The following STPG4 variants were observed in gnomAD, a reference collection of about 807,000 sequenced individuals.
STPG4 encodes protein STPG4.
STPG4 carries 41 observed loss-of-function variants against 31.5 expected under a neutral mutation model. That is an observed-to-expected ratio of 1.30 (90% confidence interval 1.01 to 1.69). The LOEUF is 1.69. STPG4 is among the 40% of genes most tolerant of loss of function. The probability of loss-of-function intolerance (pLI) is 0.00; values close to 1 mark genes in which losing one functional copy is unlikely to be tolerated. For missense variants in STPG4, 375 were observed against 293.4 expected (o/e 1.28, Z -2.03); for synonymous variants, 141 against 103.0 (o/e 1.37, Z -2.24).
chr2:47,132,748 A>G (rs1348649659), intron 3 of STPG4, among the ~76,000 whole-genome samples: 2 of 152,134 alleles, frequency 1.3e-5, no homozygotes, highest in Non-Finnish European at 2.9e-5. Flanking sequence ...TAAAATGTGC[A>G]TATTTGCTTT....
At position 47,151,827 on chromosome 2, in the gene STPG4, G is replaced by A. The variant is rs561578867; in HGVS notation, c.142-312C>T. ...ACAATCTAGGCTCACTGCAAGCTCC[G>A]CCTCCCAGGTTCATGCCATTCTCCT... On this transcript the variant is annotated intron_variant, in intron 2 of 6. Coordinates refer to ENST00000445927, the MANE Select transcript of STPG4 (RefSeq NM_001163561.2). Among the ~76,000 whole-genome samples, 25 of 151,368 alleles carry A rather than the reference G, an allele frequency of 1.7e-4. No individual in the cohort carries two copies. The South Asian group carries it at 5.0e-3, about 30-fold the overall frequency.
intron 3 of STPG4, among the ~76,000 whole-genome samples, chr2:47,134,820 T>C (rs893762358): frequency 6.6e-6 from 1 of 152,220 alleles, no homozygotes; most frequent in African/African-American, 2.4e-5. Context: ...GCATTCTCAC[T>C]AGCAATGAAT....
intron 5 of STPG4, among the ~76,000 whole-genome samples, chr2:47,113,374 A>G (rs975382712): frequency 3.9e-5 from 6 of 152,244 alleles, no homozygotes; most frequent in Non-Finnish European, 8.8e-5. Context: ...AACAGAAAAG[A>G]ATACTAAAAC....
intron 5 of STPG4, among the ~76,000 whole-genome samples, chr2:47,093,948 C>T (rs1023717845): frequency 1.3e-5 from 2 of 152,228 alleles, no homozygotes; most frequent in African/African-American, 2.4e-5. Context: ...CTGCCCCATC[C>T]GAGGACGGCT....
At chr2:47,098,545 A>C (rs1487096416) in intron 5 of STPG4, among the ~76,000 whole-genome samples, 4 of 152,200 alleles carry the variant, frequency 2.6e-5, no homozygotes, top group Non-Finnish European at 5.9e-5. Flanking sequence ...GTCTAGAAAG[A>C]GCACACAATC....
chr2:47,095,416 G>A (rs886584809), intron 5 of STPG4, among the ~76,000 whole-genome samples: 3 of 152,266 alleles, frequency 2.0e-5, no homozygotes, highest in South Asian at 2.1e-4. Flanking sequence ...AAGCCACCAC[G>A]AGCTGCGAAT....
At chr2:47,143,892 G>A (rs2103798351) in intron 3 of STPG4, among the ~76,000 whole-genome samples, 1 of 152,268 alleles carries the variant, frequency 6.6e-6, no homozygotes, top group Middle Eastern at 3.4e-3. Context: ...TTAGTGATCA[G>A]CACTTTCTGG....
intron 3 of STPG4, among the ~76,000 whole-genome samples, chr2:47,140,554 G>A (rs1035284691): frequency 6.6e-6 from 1 of 152,174 alleles, no homozygotes; most frequent in Admixed American, 6.5e-5. Context: ...TTCTGCCCTG[G>A]TAAATTGTAA....
At chr2:47,154,696 A>C (rs1387294339) in intron 1 of STPG4, among the ~76,000 whole-genome samples, 1 of 152,190 alleles carries the variant, frequency 6.6e-6, no homozygotes, top group African/African-American at 2.4e-5. Flanking sequence ...ACACCGCTGC[A>C]CTCCTGCCTG....
At chr2:47,098,194 C>A (rs2103735068) in intron 5 of STPG4, among the ~76,000 whole-genome samples, 1 of 152,292 alleles carries the variant, frequency 6.6e-6, no homozygotes, top group South Asian at 2.1e-4. Flanking sequence ...TCCTCTCTAG[C>A]CTGACCCAAA....
At chr2:47,088,002 C>T (rs1685495525) in intron 6 of STPG4, among the ~76,000 whole-genome samples, 1 of 152,112 alleles carries the variant, frequency 6.6e-6, no homozygotes, top group Non-Finnish European at 1.5e-5. Flanking sequence ...ATCCGCCCAC[C>T]TCCGCCTCCT....
rs140039170 is a variant in STPG4, at chr2:47,115,950, G to A, written c.519+13991C>T. ...ATGACAGGCGTGAGCCACCAGGCCCGACCTAAAGGATTTTCTTACTTGCAT... is the reference window on the plus strand; with the variant it reads ...ATGACAGGCGTGAGCCACCAGGCCCAACCTAAAGGATTTTCTTACTTGCAT... On this transcript the variant is annotated intron_variant, in intron 5 of 6. Coordinates refer to ENST00000445927, the MANE Select transcript of STPG4 (RefSeq NM_001163561.2). Among the ~76,000 whole-genome samples, 179 of 152,260 alleles carry A rather than the reference G, an allele frequency of 1.2e-3. 1 individual carries two copies. The highest frequency in any genetic ancestry group is 0.01 in the East Asian group (53 of 5,188).
intron 6 of STPG4, among the ~76,000 whole-genome samples, chr2:47,089,940 A>G (rs1376714714): frequency 1.3e-5 from 2 of 152,184 alleles, no homozygotes; most frequent in East Asian, 3.8e-4. Flanking sequence ...GGCTGGCAGG[A>G]GGCAGCCACT....
chr2:47,106,292 T>G (rs1056390609), intron 5 of STPG4, among the ~76,000 whole-genome samples: 2 of 151,898 alleles, frequency 1.3e-5, no homozygotes, highest in African/African-American at 4.9e-5. Flanking sequence ...TGCACCTTAG[T>G]CTTTCTAAGT....
chr2:47,139,889 C>T (rs916792520), intron 3 of STPG4, among the ~76,000 whole-genome samples: 81 of 152,178 alleles, frequency 5.3e-4, no homozygotes, highest in African/African-American at 1.9e-3. Context: ...AATTCTCCTG[C>T]CTCAGCCGCC....
chr2:47,115,398 C>T (rs1268983643), intron 5 of STPG4, among the ~76,000 whole-genome samples: 2 of 152,082 alleles, frequency 1.3e-5, no homozygotes, highest in African/African-American at 2.4e-5. Flanking sequence ...TTATCACCAG[C>T]GGCATCTTTT....
intron 5 of STPG4, among the ~76,000 whole-genome samples, chr2:47,095,977 C>T (rs2103731674): frequency 6.6e-6 from 1 of 152,298 alleles, no homozygotes. Context: ...AGCAGAACAG[C>T]CCATAGGAGG....
rs746893084 is a variant in STPG4 at position 47,155,264 on chromosome 2, T to A, written c.-13A>T. 3 of 1,613,900 alleles carry A rather than the reference T, an allele frequency of 1.9e-6. No individual in the cohort carries two copies. The Admixed American group carries it at 5.0e-5, about 27-fold the overall frequency. On this transcript the variant is annotated 5_prime_UTR_variant, in exon 1 of 7. Transcript: ENST00000445927. Reference sequence around the variant, plus strand: ...CTGGCTGGTCCATGGTGGCCTCCTCTCTCTCTAGGCTGAACCTGAGCTCCG... The same window carrying A: ...CTGGCTGGTCCATGGTGGCCTCCTCACTCTCTAGGCTGAACCTGAGCTCCG...
intron 3 of STPG4, among the ~76,000 whole-genome samples, chr2:47,141,325 C>CAA (rs57032767): frequency 8.6e-6 from 1 of 116,312 alleles, no homozygotes; most frequent in African/African-American, 3.3e-5. Context: ...GGGACTTTCT[C>CAA]AAAAAAAAAA....
Sources: allele counts gnomAD v4.1 joint callset (sites outside exome capture counted in the v4.1 genomes callset), GRCh38; gene constraint gnomAD v4.1.1; transcripts MANE v1.5; gene names NCBI Gene and HGNC (gene_info 2026-07-23, HGNC 2026-07-21).